FCAR: variants seen among roughly 807,000 people sequenced by gnomAD.
The protein encoded by FCAR is immunoglobulin alpha Fc receptor.
Under a neutral mutation model 27.1 loss-of-function variants are expected in FCAR, and 21 were observed. The observed-to-expected ratio is 0.77, with a 90% CI of 0.55 to 1.11. FCAR has a LOEUF of 1.11. Ranked by LOEUF, FCAR falls within the 50% of genes most tolerant of loss-of-function variation. The pLI, the probability that FCAR is intolerant of heterozygous loss-of-function variation, is 0.00. For missense variants in FCAR, 404 were observed against 358.4 expected (o/e 1.13, Z -1.03); for synonymous variants, 134 against 135.8 (o/e 0.99, Z 0.09).
At chr19:54,882,985 G>T (rs902836416) in intron 2 of FCAR, among the ~76,000 whole-genome samples, 1 of 151,990 alleles carries the variant, frequency 6.6e-6, no homozygotes, top group African/African-American at 2.4e-5. Flanking sequence ...TAGCCACAAG[G>T]CTCTTTTGTA....
At chr19:54,875,209 G>T (rs2066025667) in intron 1 of FCAR, 121 bp from the exon 2 acceptor site, 2 of 729,718 alleles carry the variant, frequency 2.7e-6, no homozygotes, top group East Asian at 2.7e-5. Context: ...TTATATATCT[G>T]GTGGGATTGA....
intron 1 of FCAR, 122 bp downstream of exon 1, chr19:54,874,445 A>G: frequency 9.7e-6 from 9 of 929,260 alleles, no homozygotes; most frequent in Non-Finnish European, 1.5e-5. Flanking sequence ...TGATCTCCTT[A>G]GTGGAAAGGC....
In FCAR at chr19:54,885,286, T is replaced by C. The variant is rs2066643404; in HGVS notation, c.122T>C (p.Leu41Ser). ...ISAKSSPVIP[L>S]DGSVKIQCQA... Reference sequence around the variant, plus strand: ...GCCAAATCGAGTCCTGTGATTCCCTTGGATGGATCTGTGAAAATCCAGTGC... The same window carrying C: ...GCCAAATCGAGTCCTGTGATTCCCTCGGATGGATCTGTGAAAATCCAGTGC... The change falls in exon 3 of 5, where the codon TTG becomes TCG. Residue 41 changes from leucine (L) to serine (S), a missense_variant. By Grantham distance (145) the Leu-to-Ser change is moderately radical. Coordinates refer to ENST00000355524, the MANE Select transcript of FCAR (RefSeq NM_002000.4). 6.2e-7 allele frequency: 1 copy of C among 1,614,038 alleles called. No homozygotes were observed. Among genetic ancestry groups the C allele is most frequent in the South Asian group, 1.1e-5 (1 of 91,070 alleles).
At chr19:54,883,584 T>C (rs2066538271) in intron 2 of FCAR, among the ~76,000 whole-genome samples, 1 of 152,110 alleles carries the variant, frequency 6.6e-6, no homozygotes, top group Admixed American at 6.5e-5. Context: ...CACGGCTTGG[T>C]CGCCACCTAA....
chr19:54,890,108 T>G lies in FCAR; in HGVS notation c.*245T>G. On this transcript the variant is annotated 3_prime_UTR_variant, in exon 5 of 5. Coordinates refer to ENST00000355524, the MANE Select transcript of FCAR (RefSeq NM_002000.4). ...AGCTGGAATTACAGGCACATACCAC[T>G]GCACCCAGCTAATTTTTGTATTTTT... is the stretch of plus-strand genomic sequence containing the variant. The G allele has an allele frequency of 1.8e-6, 1 of 548,328 alleles. No homozygotes were observed. The highest frequency in any genetic ancestry group is 3.1e-5 in the East Asian group (1 of 32,602). The allele number at this position is 548,328 out of a possible 1,614,324, so 34.0% of individuals were successfully genotyped here.
chr19:54,874,932 A>T (rs2066005593), intron 1 of FCAR, among the ~76,000 whole-genome samples: 1 of 152,060 alleles, frequency 6.6e-6, no homozygotes, highest in Non-Finnish European at 1.5e-5. Flanking sequence ...GCACTTTGGG[A>T]GGCCAAGGCA....
At chr19:54,878,850 T>C (rs1010978668) in intron 2 of FCAR, among the ~76,000 whole-genome samples, 1 of 150,174 alleles carries the variant, frequency 6.7e-6, no homozygotes, top group African/African-American at 2.5e-5. Flanking sequence ...GGGTTTCTTA[T>C]AGGCAGCATA....
chr19:54,876,129 G>A (rs1389516536), intron 2 of FCAR, among the ~76,000 whole-genome samples: 3 of 152,100 alleles, frequency 2.0e-5, no homozygotes, highest in Admixed American at 2.0e-4. Flanking sequence ...TTGGCTCTCA[G>A]CTTAGATGTT....
In FCAR at chr19:54,884,309, C is replaced by T. The variant is rs371519085; in HGVS notation, c.71-926C>T. Among the ~76,000 whole-genome samples, 24 of 152,244 alleles carry T rather than the reference C, an allele frequency of 1.6e-4. No homozygotes were observed. The South Asian group carries it at 2.3e-3, about 14-fold the overall frequency. Reference sequence around the variant, plus strand: ...CTCTGGGGTCAATGCCTGCGGAGGTCCCCCTGGCTTCAGTGTTGCCTCTGC... The same window carrying T: ...CTCTGGGGTCAATGCCTGCGGAGGTTCCCCTGGCTTCAGTGTTGCCTCTGC... On this transcript the variant is annotated intron_variant, in intron 2 of 4. Transcript: ENST00000355524.
intron 3 of FCAR, among the ~76,000 whole-genome samples, chr19:54,886,760 C>T (rs1358587448): frequency 6.6e-6 from 1 of 152,178 alleles, no homozygotes; most frequent in African/African-American, 2.4e-5. Flanking sequence ...TTTTCCATGA[C>T]CTTGTCAGTT....
intron 2 of FCAR, among the ~76,000 whole-genome samples, chr19:54,876,341 C>G (rs1192464659): frequency 6.6e-6 from 1 of 152,146 alleles, no homozygotes; most frequent in East Asian, 1.9e-4. Context: ...CCTGATTGCT[C>G]TAGCTAGGAC....
rs1169926401 is a variant in FCAR, at chr19:54,889,981, G to C, written c.*118G>C. 1.4e-6 allele frequency: 1 copy of C among 714,644 alleles called. No individual in the cohort carries two copies. Among genetic ancestry groups the C allele is most frequent in the Non-Finnish European group, 2.3e-6 (1 of 431,238 alleles). 44.3% of individuals were successfully genotyped at this position (714,644 alleles called of 1,614,324 possible). ...TGAATCTACTTTTTTTTTTTTTTGA[G>C]ACAGAGTCTGGCTCTGTCACCCAGG... On this transcript the variant is annotated 3_prime_UTR_variant, in exon 5 of 5. Transcript: ENST00000355524.
At chr19:54,881,873 T>G (rs1327027530) in intron 2 of FCAR, among the ~76,000 whole-genome samples, 1 of 142,330 alleles carries the variant, frequency 7.0e-6, no homozygotes. Flanking sequence ...AGAGCGAGAC[T>G]CCGTCTCAAA....
rs587761385 is a variant in FCAR, at chr19:54,884,234, C to G, written c.71-1001C>G. Reference sequence around the variant, plus strand: ...AGGTGGAGCCATCTCACTGCTCCCACGCACCATGCCCGTGGCCTCTGCGGG... The same window carrying G: ...AGGTGGAGCCATCTCACTGCTCCCAGGCACCATGCCCGTGGCCTCTGCGGG... On this transcript the variant is annotated intron_variant, in intron 2 of 4. Coordinates refer to ENST00000355524, the MANE Select transcript of FCAR (RefSeq NM_002000.4). Among the ~76,000 whole-genome samples, 49 of 152,344 alleles carry G rather than the reference C, an allele frequency of 3.2e-4. 1 individual carries two copies. Among genetic ancestry groups the G allele is most frequent in the Admixed American group, 2.9e-3 (44 of 15,302 alleles).
intron 2 of FCAR, among the ~76,000 whole-genome samples, chr19:54,884,900 A>G (rs10401687): frequency 0.36 from 54,475 of 151,524 alleles, 9,906 homozygotes; most frequent in Admixed American, 0.47. Context: ...TCTGCCTCCC[A>G]GGTTCACGCC....
At chr19:54,885,661 C>T in intron 3 of FCAR, 136 bp downstream of exon 3, 1 of 630,298 alleles carries the variant, frequency 1.6e-6, no homozygotes, top group Non-Finnish European at 2.7e-6. Context: ...CCATCTGGCA[C>T]CCCACTTCCC....
intron 2 of FCAR, among the ~76,000 whole-genome samples, chr19:54,882,377 C>T (rs587704468): frequency 6.6e-6 from 1 of 152,024 alleles, no homozygotes; most frequent in African/African-American, 2.4e-5. Context: ...AGCTAAGAAC[C>T]AGATTTCTGG....
chr19:54,877,578 T>C (rs1281659968), intron 2 of FCAR, among the ~76,000 whole-genome samples: 3 of 152,222 alleles, frequency 2.0e-5, no homozygotes, highest in Non-Finnish European at 4.4e-5. Flanking sequence ...TGCTTTTTCG[T>C]GTCTCAATCT....
chr19:54,881,544 G>GT (rs2066411536), intron 2 of FCAR, among the ~76,000 whole-genome samples: 1 of 152,094 alleles, frequency 6.6e-6, no homozygotes, highest in Non-Finnish European at 1.5e-5. Context: ...AGGAGACTGA[G>GT]CTCCTCTCCG....
Sources: allele counts gnomAD v4.1 joint callset (sites outside exome capture counted in the v4.1 genomes callset), GRCh38; gene constraint gnomAD v4.1.1; transcripts MANE v1.5; gene names NCBI Gene and HGNC (gene_info 2026-07-23, HGNC 2026-07-21).